The following KCNG4 variants were observed in gnomAD, a reference collection of about 807,000 sequenced individuals.
KCNG4 encodes potassium voltage-gated channel modifier subfamily G member 4, also known as voltage-gated potassium channel regulatory subunit KCNG4.
KCNG4 carries 30 observed loss-of-function variants against 28.2 expected under a neutral mutation model. The observed-to-expected ratio is 1.06, with a 90% CI of 0.80 to 1.44. KCNG4 has a LOEUF of 1.44. Ranked by LOEUF, KCNG4 falls within the 40% of genes most tolerant of loss-of-function variation. KCNG4 has a pLI of 0.00. For synonymous variants in KCNG4, 375 were observed against 315.5 expected (o/e 1.19, Z -2.00); for missense variants, 879 against 712.3 (o/e 1.23, Z -2.66).
intron 2 of KCNG4, among the ~76,000 whole-genome samples, chr16:84,232,065 C>A (rs1416840230): frequency 1.3e-5 from 2 of 150,074 alleles, no homozygotes; most frequent in East Asian, 2.0e-4. Context: ...TGAAAGGGGT[C>A]TGTATGGCAG....
chr16:84,224,891 T>C (rs1200411344), intron 2 of KCNG4, among the ~76,000 whole-genome samples: 1 of 152,326 alleles, frequency 6.6e-6, no homozygotes, highest in Admixed American at 6.5e-5. Context: ...CCAGAAACCA[T>C]GTCTGCTTGT....
intron 2 of KCNG4, among the ~76,000 whole-genome samples, chr16:84,229,621 C>G (rs1002352808): frequency 6.6e-6 from 1 of 152,214 alleles, no homozygotes; most frequent in Non-Finnish European, 1.5e-5. Context: ...AGCACAGGCC[C>G]GGCCTGCAGG....
At chr16:84,230,230 C>G (rs1597618752) in intron 2 of KCNG4, among the ~76,000 whole-genome samples, 1 of 152,068 alleles carries the variant, frequency 6.6e-6, no homozygotes, top group Non-Finnish European at 1.5e-5. Context: ...CATGGCGAAA[C>G]CCCGTCTCTA....
intron 1 of KCNG4, among the ~76,000 whole-genome samples, chr16:84,239,230 C>T (rs1295661648): frequency 6.6e-6 from 1 of 152,232 alleles, no homozygotes; most frequent in Admixed American, 6.5e-5. Context: ...CCCTACACAA[C>T]ATTCTGTTGC....
chr16:84,237,341 C>T lies in KCNG4; in HGVS notation c.145G>A (p.Ala49Thr). The change falls in exon 2 of 3, where the codon GCC (alanine) becomes ACC (threonine). Residue 49 changes from alanine (A) to threonine (T), a missense_variant. By Grantham distance (58) the Ala-to-Thr change is moderately conservative (BLOSUM62 0). Transcript: ENST00000308251. Reference protein sequence around the residue: ...LYYRRVRKVGALDASPVDLKK... With the variant: ...LYYRRVRKVGTLDASPVDLKK... Reference sequence around the variant, plus strand: ...AGGTCCACTGGGGAGGCGTCCAGGGCACCCACCTTCCGCACCCTCCGGTAG... The same window carrying T: ...AGGTCCACTGGGGAGGCGTCCAGGGTACCCACCTTCCGCACCCTCCGGTAG... 1 of 1,574,948 alleles carries T rather than the reference C, an allele frequency of 6.3e-7. No homozygotes were observed. Among genetic ancestry groups the T allele is most frequent in the Non-Finnish European group, 8.6e-7 (1 of 1,160,666 alleles).
Position 84,223,001 on chromosome 16 carries a change from C to G in KCNG4, c.776G>C (p.Cys259Ser). Reference protein sequence around the residue: ...EEDQGECSRKCYYIFIVETIC... With the variant: ...EEDQGECSRKSYYIFIVETIC... ...GGTCTCCACGATGAAAATATAGTAG[C>G]ACTTCCGAGAGCATTCGCCCTGCGG... is the stretch of plus-strand genomic sequence containing the variant. The change falls in exon 3 of 3, where the codon TGC becomes TCC. Residue 259 changes from cysteine to serine, a missense_variant. Cys to Ser is a moderately radical substitution (Grantham distance 112). Transcript: ENST00000308251. 1 of 1,532,100 alleles carries G rather than the reference C, an allele frequency of 6.5e-7. No homozygotes were observed. The highest frequency in any genetic ancestry group is 8.8e-7 in the Non-Finnish European group (1 of 1,138,586). The allele number at this position is 1,532,100 out of a possible 1,614,324, so 94.9% of individuals were successfully genotyped here. A position where few individuals can be genotyped will look rare whatever the true frequency, so the allele number is the denominator to read the frequency against.
Position 84,222,999 on chromosome 16 carries a change from A to G in KCNG4, c.778T>C (p.Tyr260His), listed in dbSNP as rs117787002. ...ATGGTCTCCACGATGAAAATATAGTAGCACTTCCGAGAGCATTCGCCCTGC... is the reference window on the plus strand; with the variant it reads ...ATGGTCTCCACGATGAAAATATAGTGGCACTTCCGAGAGCATTCGCCCTGC... ...EDQGECSRKC[Y>H]YIFIVETICV... Residue 260 changes from tyrosine (Y) to histidine (H), a missense_variant, in exon 3 of 3, where the codon TAC becomes CAC. Coordinates refer to ENST00000308251, the MANE Select transcript of KCNG4 (RefSeq NM_172347.3). 2.0e-4 allele frequency: 312 copies of G among 1,532,332 alleles called. No homozygotes were observed. The East Asian group carries it at 6.8e-3, about 33-fold the overall frequency. 94.9% of individuals were successfully genotyped at this position (1,532,332 alleles called of 1,614,324 possible). A position where few individuals can be genotyped will look rare whatever the true frequency, so the allele number is the denominator to read the frequency against.
At chr16:84,236,580 G>T in intron 2 of KCNG4, 150 bp downstream of exon 2, 2 of 925,392 alleles carry the variant, frequency 2.2e-6, no homozygotes, top group Non-Finnish European at 3.1e-6. Flanking sequence ...TATGACTGAT[G>T]GCCTAATAAT....
rs771087975 is a variant in KCNG4 at position 84,222,592 on chromosome 16, C to A, written c.1185G>T (p.Glu395Asp). Residue 395 changes from glutamate to aspartate, a missense_variant, in exon 3 of 3, where the codon GAG becomes GAT. Glu to Asp is a conservative substitution (Grantham distance 45). Transcript: ENST00000308251. Reference protein sequence around the residue: ...FSPLVYVAEKESGRVLEFTSI... With the variant: ...FSPLVYVAEKDSGRVLEFTSI... ...TGGTGAACTCCAGCACCCGCCCGGA[C>A]TCCTTCTCGGCCACGTAGACCAAAG... The A allele has an allele frequency of 1.9e-6, 3 of 1,613,216 alleles. No homozygotes were observed. The highest frequency in any genetic ancestry group is 2.5e-6 in the Non-Finnish European group (3 of 1,180,004).
rs1904693545 is a variant in KCNG4, at chr16:84,226,196, G to A, written c.757-3176C>T. On this transcript the variant is annotated intron_variant, in intron 2 of 2. Coordinates refer to ENST00000308251, the MANE Select transcript of KCNG4 (RefSeq NM_172347.3). The surrounding 1 kb of genome is among the most constrained non-coding windows in gnomAD (Gnocchi z 4.1). ...AAGAGCAAGCGTCAGCCTGGAGAAG[G>A]CCCAGGGTGTGAATGGTGAAACAAC... 6.6e-6 allele frequency among the ~76,000 whole-genome samples: 1 copy of A among 152,174 alleles called. No individual in the cohort carries two copies. Among genetic ancestry groups the A allele is most frequent in the Non-Finnish European group, 1.5e-5 (1 of 68,020 alleles).
chr16:84,236,694 G>A lies in KCNG4; in HGVS notation c.756+36C>T, dbSNP rs186715078. ...AGACATCTCCGCCCAGGCACCCTGC[G>A]GGATGGAGCCGTGAATGCCATCAGA... On this transcript the variant is annotated intron_variant, in intron 2 of 2. Transcript: ENST00000308251. The A allele has an allele frequency of 9.4e-4, 1,476 of 1,574,830 alleles. 10 individuals carry two copies. In the African/African-American group the frequency reaches 0.017, roughly 18 times the overall value.
intron 2 of KCNG4, among the ~76,000 whole-genome samples, chr16:84,228,725 G>T (rs933901987): frequency 6.6e-6 from 1 of 152,240 alleles, no homozygotes; most frequent in Non-Finnish European, 1.5e-5. Context: ...CCTGGCCGAT[G>T]AGTCATCTCT....
chr16:84,222,827 G>T lies in KCNG4; in HGVS notation c.950C>A (p.Pro317Gln). The T allele has an allele frequency of 6.2e-7, 1 of 1,609,700 alleles. No homozygotes were observed. Among genetic ancestry groups the T allele is most frequent in the Non-Finnish European group, 8.5e-7 (1 of 1,176,692 alleles). The part of the protein sequence containing the change: ...YVSLAVSEEP[P>Q]EDGERPSGSS... ...CCCGCTCGGCCTCTCGCCGTCCTCC[G>T]GGGGCTCCTCAGACACCGCCAGCGA... The change falls in exon 3 of 3, where the codon CCG becomes CAG. Residue 317 changes from proline to glutamine, a missense_variant. By Grantham distance (76) the Pro-to-Gln change is moderately conservative (BLOSUM62 -1). Coordinates refer to ENST00000308251, the MANE Select transcript of KCNG4 (RefSeq NM_172347.3).
intron 2 of KCNG4, among the ~76,000 whole-genome samples, chr16:84,227,448 G>A (rs1287531886): frequency 6.6e-6 from 1 of 152,078 alleles, no homozygotes; most frequent in Non-Finnish European, 1.5e-5. Flanking sequence ...ATGGTGGCAG[G>A]TGCCTGTGAT....
rs1567627703 is a variant in KCNG4 at position 84,237,061 on chromosome 16, G to A, written c.425C>T (p.Ser142Phe). 6.2e-7 allele frequency: 1 copy of A among 1,614,068 alleles called. No individual in the cohort carries two copies. Residue 142 changes from serine to phenylalanine, a missense_variant, in exon 2 of 3, where the codon TCC (serine) becomes TTC (phenylalanine). Transcript: ENST00000308251. ...LVLLQEMCAL[S>F]FQEELAYWGI... ...CCAGTAGGCCAGCTCCTCCTGGAAGGACAGCGCGCACATCTCCTGCAGAAG... is the reference window on the plus strand; with the variant it reads ...CCAGTAGGCCAGCTCCTCCTGGAAGAACAGCGCGCACATCTCCTGCAGAAG...
At position 84,222,137 on chromosome 16, in the gene KCNG4, G is replaced by T. The variant is rs1904576425; in HGVS notation, c.*80C>A. ...CTGGGCTCTAGAAACACCACCAGGTGGTCTATGCGGGGTACCCTTGAGTGT... is the reference window on the plus strand; with the variant it reads ...CTGGGCTCTAGAAACACCACCAGGTTGTCTATGCGGGGTACCCTTGAGTGT... On this transcript the variant is annotated 3_prime_UTR_variant, in exon 3 of 3. Coordinates refer to ENST00000308251, the MANE Select transcript of KCNG4 (RefSeq NM_172347.3). 4 of 1,394,944 alleles carry T rather than the reference G, an allele frequency of 2.9e-6. No homozygotes were observed. Among genetic ancestry groups the T allele is most frequent in the East Asian group, 2.3e-5 (1 of 43,580 alleles). 86.4% of individuals were successfully genotyped at this position (1,394,944 alleles called of 1,614,324 possible). A position where few individuals can be genotyped will look rare whatever the true frequency, so the allele number is the denominator to read the frequency against.
At chr16:84,224,236 A>G (rs1904645001) in intron 2 of KCNG4, among the ~76,000 whole-genome samples, 1 of 152,160 alleles carries the variant, frequency 6.6e-6, no homozygotes, top group Non-Finnish European at 1.5e-5. Context: ...GCTTGGCTGC[A>G]TGTTGGAATC....
At position 84,234,963 on chromosome 16, in the gene KCNG4, G is replaced by C. The variant is rs181324625; in HGVS notation, c.756+1767C>G. 3.9e-5 allele frequency among the ~76,000 whole-genome samples: 6 copies of C among 152,220 alleles called. No individual in the cohort carries two copies. In the East Asian group the frequency reaches 7.7e-4, roughly 20 times the overall value. ...GGGCAGCACCTCAGCCTGTCTCTGG[G>C]CACACACACAAAGATGCTTTCACTA... On this transcript the variant is annotated intron_variant, in intron 2 of 2. Transcript: ENST00000308251.
Position 84,226,752 on chromosome 16 carries a change from G to A in KCNG4, c.757-3732C>T, listed in dbSNP as rs903102855. Among the ~76,000 whole-genome samples the A allele has an allele frequency of 2.5e-5, 3 of 119,084 alleles. No individual in the cohort carries two copies. Among genetic ancestry groups the A allele is most frequent in the Non-Finnish European group, 5.9e-5 (3 of 51,278 alleles). The allele number at this position is 119,084 out of a possible 152,430, so 78.1% of individuals were successfully genotyped here. The stretch of plus-strand genomic sequence containing the variant: ...AAATTAGCCAGGCATGGTGACACAT[G>A]CCTGTAATCCCAGCTACTTGGCGGG... On this transcript the variant is annotated intron_variant, in intron 2 of 2. Coordinates refer to ENST00000308251, the MANE Select transcript of KCNG4 (RefSeq NM_172347.3). This position sits in a 1 kb window ranked among gnomAD's most constrained non-coding sequence, Gnocchi z 4.1.
Sources: allele counts gnomAD v4.1 joint callset (sites outside exome capture counted in the v4.1 genomes callset), GRCh38; gene constraint gnomAD v4.1.1; non-coding constraint Gnocchi (gnomAD v3.1); transcripts MANE v1.5; gene names NCBI Gene and HGNC (gene_info 2026-07-23, HGNC 2026-07-21).